RALB: variants seen among roughly 807,000 people sequenced by gnomAD.
The protein encoded by RALB is RAS like proto-oncogene B.
Under a neutral mutation model 21.3 loss-of-function variants are expected in RALB, and 16 were observed. The observed-to-expected ratio is 0.75, with a 90% CI of 0.51 to 1.14. The LOEUF (loss-of-function observed/expected upper bound fraction) is 1.14, where lower values mean the gene tolerates loss of function less well. Among genes scored for constraint, RALB ranks in the 50% most tolerant of loss-of-function variants. The pLI is 0.00. For missense variants in RALB, 161 were observed against 256.2 expected (o/e 0.63, Z 2.54); for synonymous variants, 93 against 96.1 (o/e 0.97, Z 0.19).
chr2:120,286,336 C>T (rs756646075), intron 3 of RALB, among the ~76,000 whole-genome samples: 4 of 152,070 alleles, frequency 2.6e-5, no homozygotes, highest in African/African-American at 4.8e-5. Flanking sequence ...TTACTGTCCC[C>T]GAAAACAATG....
At chr2:120,280,714 GAAAAA>G in intron 2 of RALB, 2 of 233,402 alleles carry the variant, frequency 8.6e-6, no homozygotes, top group Non-Finnish European at 1.7e-5. Context: ...AAAGTAAAAA[GAAAAA>G]AAAAAAAACT....
At chr2:120,257,512 T>A (rs1573324330) in intron 1 of RALB, among the ~76,000 whole-genome samples, 2 of 15,052 alleles carry the variant, frequency 1.3e-4, no homozygotes, top group Non-Finnish European at 3.2e-4. Flanking sequence ...ATGATCCTTA[T>A]TTTTTTTTTA....
intron 2 of RALB, among the ~76,000 whole-genome samples, chr2:120,284,166 A>G (rs760988434): frequency 1.3e-5 from 2 of 149,346 alleles, no homozygotes; most frequent in Non-Finnish European, 2.9e-5. Flanking sequence ...TCACATCTCT[A>G]TTTGGAGATA....
chr2:120,249,040 T>A (rs1383349331), upstream of RALB, among the ~76,000 whole-genome samples: 3 of 151,526 alleles, frequency 2.0e-5, no homozygotes, highest in Non-Finnish European at 2.9e-5. Context: ...TAGTCTTTTT[T>A]TTTTTTTTTT....
At chr2:120,268,208 A>G (rs562466271) in intron 1 of RALB, among the ~76,000 whole-genome samples, 1 of 152,354 alleles carries the variant, frequency 6.6e-6, no homozygotes, top group Admixed American at 6.5e-5. Context: ...AGCAAGGAAG[A>G]GAGACAGAGC....
At chr2:120,269,397 C>T (rs6727551) in intron 1 of RALB, among the ~76,000 whole-genome samples, 36,129 of 152,110 alleles carry the variant, frequency 0.24, 6,715 homozygotes, top group African/African-American at 0.52. Flanking sequence ...GCTTCCACAG[C>T]GTGGAAGGTG....
rs142267217 is a variant in RALB, at chr2:120,277,802, TGA to T, written c.-47-812_-47-811del. On this transcript the variant is annotated intron_variant, in intron 1 of 4. Coordinates refer to ENST00000272519, the MANE Select transcript of RALB (RefSeq NM_002881.3). ...GCATGTGTGAGCCTGTGATAGTGTG[TGA>T]GAGCGTGTGAGAGCAAGTGTGTGAA... 3.7e-3 allele frequency among the ~76,000 whole-genome samples: 560 copies of T among 150,958 alleles called. 3 individuals carry two copies. The highest frequency in any genetic ancestry group is 5.9e-3 in the Non-Finnish European group (399 of 67,734).
At chr2:120,271,378 C>T (rs1291081916) in intron 1 of RALB, among the ~76,000 whole-genome samples, 4 of 152,198 alleles carry the variant, frequency 2.6e-5, no homozygotes, top group Non-Finnish European at 5.9e-5. Context: ...TCCCAGTGCT[C>T]TTGCCCCACT....
chr2:120,255,104 A>T (rs1229901159), intron 1 of RALB, among the ~76,000 whole-genome samples: 1 of 152,200 alleles, frequency 6.6e-6, no homozygotes, highest in Non-Finnish European at 1.5e-5. Context: ...TTGAAAGCTA[A>T]ATTTGGAGAC....
chr2:120,277,654 GTGT>G (rs71950312), intron 1 of RALB, among the ~76,000 whole-genome samples: 30,145 of 151,268 alleles, frequency 0.2, 3,125 homozygotes, highest in Admixed American at 0.28. Flanking sequence ...AAATTTGAAA[GTGT>G]TGTGAGAGCG....
At chr2:120,268,600 A>G (rs919601619) in intron 1 of RALB, among the ~76,000 whole-genome samples, 6 of 152,074 alleles carry the variant, frequency 3.9e-5, no homozygotes, top group Non-Finnish European at 7.4e-5. Context: ...CTTGAGCCCA[A>G]GATGTTGAGA....
chr2:120,281,179 A>T (rs1689982184), intron 2 of RALB, among the ~76,000 whole-genome samples: 1 of 152,064 alleles, frequency 6.6e-6, no homozygotes, highest in South Asian at 2.1e-4. Context: ...AGGCTCCCTA[A>T]TTGTTGGTAG....
At chr2:120,285,128 C>G (rs921877484) in intron 2 of RALB, among the ~76,000 whole-genome samples, 1 of 152,122 alleles carries the variant, frequency 6.6e-6, no homozygotes, top group Non-Finnish European at 1.5e-5. Flanking sequence ...AGGAAACTTA[C>G]AATCATGGCA....
intron 2 of RALB, among the ~76,000 whole-genome samples, chr2:120,282,016 C>T (rs1207042847): frequency 6.6e-6 from 1 of 152,174 alleles, no homozygotes; most frequent in East Asian, 1.9e-4. Flanking sequence ...CATCCTACAT[C>T]ACACAGGACA....
At chr2:120,259,621 A>G (rs1689298408) in intron 1 of RALB, among the ~76,000 whole-genome samples, 1 of 152,202 alleles carries the variant, frequency 6.6e-6, no homozygotes, top group Non-Finnish European at 1.5e-5. Context: ...TGGTGTATTT[A>G]CAATCCACGA....
chr2:120,289,440 T>G, intron 3 of RALB, 140 bp from the exon 4 acceptor site: 2 of 860,596 alleles, frequency 2.3e-6, no homozygotes, highest in Non-Finnish European at 3.7e-6. Flanking sequence ...TAGGGAGTGC[T>G]TTCTCAGAAC....
At position 120,241,185 on chromosome 2, in the gene RALB, C is replaced by T. The variant is rs551422241; in HGVS notation, c.19+1060C>T. Among the ~76,000 whole-genome samples, 13 of 152,316 alleles carry T rather than the reference C, an allele frequency of 8.5e-5. No homozygotes were observed. In the South Asian group the frequency reaches 1.9e-3, roughly 22 times the overall value. On this transcript the variant is annotated intron_variant, in intron 1 of 3. Transcript: ENST00000447591. Reference sequence around the variant, plus strand: ...CCACTCTCCCAGAAGGGCTCATCCTCGAGCCTGCCCAAGGGGAGAACAGAG... The same window carrying T: ...CCACTCTCCCAGAAGGGCTCATCCTTGAGCCTGCCCAAGGGGAGAACAGAG...
chr2:120,263,235 C>T (rs1207140317), intron 1 of RALB, among the ~76,000 whole-genome samples: 3 of 152,086 alleles, frequency 2.0e-5, no homozygotes, highest in African/African-American at 7.2e-5. Context: ...GCGGTGAGAT[C>T]ACAGCTCACT....
chr2:120,293,308 G>C lies in RALB; in HGVS notation c.*48G>C. ...CAGCTGCTCCTAAGGACACAGGGCTGGGTTGGTAAAGAGAAGGCTATGGTT... is the reference window on the plus strand; with the variant it reads ...CAGCTGCTCCTAAGGACACAGGGCTCGGTTGGTAAAGAGAAGGCTATGGTT... On this transcript the variant is annotated 3_prime_UTR_variant, in exon 5 of 5. Transcript: ENST00000272519. 6.5e-7 allele frequency: 1 copy of C among 1,548,686 alleles called. No homozygotes were observed. Among genetic ancestry groups the C allele is most frequent in the Non-Finnish European group, 8.7e-7 (1 of 1,149,734 alleles).
Sources: gnomAD v4.1 joint callset for allele counts (sites outside exome capture counted in the v4.1 genomes callset) on GRCh38, gnomAD v4.1.1 for gene constraint, MANE v1.5 for transcripts, NCBI Gene and HGNC (gene_info 2026-07-23, HGNC 2026-07-21) for gene names.